SRPK2: variants seen among roughly 807,000 people sequenced by gnomAD.
SRPK2 encodes SRSF protein kinase 2.
SRPK2 carries 21 observed loss-of-function variants against 90.8 expected under a neutral mutation model. The observed-to-expected ratio is 0.23, with a 90% CI of 0.16 to 0.33. The LOEUF is 0.33. SRPK2 is among the 10% of genes least tolerant of loss of function. The probability of loss-of-function intolerance (pLI) is 1.00; values close to 1 mark genes in which losing one functional copy is unlikely to be tolerated. For synonymous variants in SRPK2, 288 were observed against 311.1 expected (o/e 0.93, Z 0.78); for missense variants, 620 against 869.0 (o/e 0.71, Z 3.60).
At chr7:105,259,816 G>A (rs1585407050) in intron 2 of SRPK2, among the ~76,000 whole-genome samples, 1 of 151,986 alleles carries the variant, frequency 6.6e-6, no homozygotes, top group Admixed American at 6.6e-5. Flanking sequence ...ATGGTGCTGG[G>A]AAAACTGGCT....
chr7:105,249,148 G>A (rs915078945), intron 2 of SRPK2, among the ~76,000 whole-genome samples: 1 of 152,032 alleles, frequency 6.6e-6, no homozygotes, highest in African/African-American at 2.4e-5. Flanking sequence ...AGCCTGATGC[G>A]GGCCACCTTG....
chr7:105,203,850 A>G, intron 2 of SRPK2, 65 bp from the exon 3 acceptor site: 1 of 1,531,832 alleles, frequency 6.5e-7, no homozygotes, highest in Non-Finnish European at 8.8e-7. Context: ...GATGCATTTG[A>G]GCACTTCTTA....
chr7:105,167,952 G>T, intron 5 of SRPK2, 56 bp downstream of exon 5: 1 of 1,421,492 alleles, frequency 7.0e-7, no homozygotes, highest in Non-Finnish European at 9.6e-7. Context: ...AAATCTTTCT[G>T]TAAAATTTTA....
intron 2 of SRPK2, among the ~76,000 whole-genome samples, chr7:105,346,484 A>G (rs1816471912): frequency 6.6e-6 from 1 of 152,130 alleles, no homozygotes; most frequent in Non-Finnish European, 1.5e-5. Flanking sequence ...GGCCAGGTGC[A>G]GTGGCTCATG....
chr7:105,177,391 AG>A (rs1792111445), intron 3 of SRPK2, among the ~76,000 whole-genome samples: 1 of 152,238 alleles, frequency 6.6e-6, no homozygotes, highest in South Asian at 2.1e-4. Flanking sequence ...AAGGACACAA[AG>A]GACTGCAAGA....
intron 2 of SRPK2, among the ~76,000 whole-genome samples, chr7:105,283,221 A>T (rs1807578229): frequency 1.3e-5 from 2 of 152,224 alleles, no homozygotes; most frequent in South Asian, 4.1e-4. Context: ...AGCTTTGGAA[A>T]CACGCTGGCA....
intron 2 of SRPK2, among the ~76,000 whole-genome samples, chr7:105,235,785 T>C (rs1294583303): frequency 6.6e-6 from 1 of 152,190 alleles, no homozygotes; most frequent in African/African-American, 2.4e-5. Flanking sequence ...TAACAAAAGA[T>C]TGAAACCATT....
At chr7:105,357,231 G>C (rs1042871170) in intron 2 of SRPK2, among the ~76,000 whole-genome samples, 24 of 151,916 alleles carry the variant, frequency 1.6e-4, no homozygotes, top group African/African-American at 4.6e-4. Context: ...AGTAGAGATG[G>C]GGTTTCACTG....
chr7:105,289,415 T>C (rs931600759), intron 2 of SRPK2, among the ~76,000 whole-genome samples: 2 of 152,134 alleles, frequency 1.3e-5, no homozygotes, highest in Admixed American at 1.3e-4. Context: ...ACCACCTCAA[T>C]AAAGAAAGTC....
chr7:105,181,881 T>TAA (rs755821029), intron 3 of SRPK2, among the ~76,000 whole-genome samples: 1,709 of 84,630 alleles, frequency 0.02, 67 homozygotes, highest in Admixed American at 0.041. Flanking sequence ...AAGATAAAAG[T>TAA]AAAAAAAAAA....
intron 3 of SRPK2, among the ~76,000 whole-genome samples, chr7:105,170,243 T>G (rs1790635373): frequency 6.6e-6 from 1 of 152,158 alleles, no homozygotes; most frequent in Non-Finnish European, 1.5e-5. Flanking sequence ...CTGACCAAAA[T>G]AAACAATGTT....
chr7:105,209,139 G>T (rs1357613293), intron 2 of SRPK2, among the ~76,000 whole-genome samples: 2 of 152,200 alleles, frequency 1.3e-5, no homozygotes, highest in African/African-American at 4.8e-5. Context: ...CATTCAGAGT[G>T]AAAATTAATC....
At chr7:105,315,704 A>AAT (rs1812230402) in intron 2 of SRPK2, among the ~76,000 whole-genome samples, 1 of 152,216 alleles carries the variant, frequency 6.6e-6, no homozygotes, top group South Asian at 2.1e-4. Context: ...CTTATAACAT[A>AAT]ATATCAAGCT....
At chr7:105,173,860 A>G (rs1352407530) in intron 3 of SRPK2, among the ~76,000 whole-genome samples, 1 of 151,688 alleles carries the variant, frequency 6.6e-6, no homozygotes, top group East Asian at 1.9e-4. Context: ...ACACCTGTAC[A>G]CTTCACTATT....
chr7:105,180,080 T>G (rs1792566278), intron 3 of SRPK2, among the ~76,000 whole-genome samples: 1 of 151,976 alleles, frequency 6.6e-6, no homozygotes, highest in African/African-American at 2.4e-5. Context: ...AGAAAGATCT[T>G]AAAGTCCATA....
At chr7:105,244,514 C>A in intron 2 of SRPK2, 1 of 470,234 alleles carries the variant, frequency 2.1e-6, no homozygotes, top group Non-Finnish European at 3.9e-6. Context: ...GCGGAGCTTG[C>A]AGTGAGCTAA....
intron 1 of SRPK2, among the ~76,000 whole-genome samples, chr7:105,396,861 G>A (rs929476753): frequency 6.7e-6 from 1 of 150,332 alleles, no homozygotes; most frequent in Non-Finnish European, 1.5e-5. Context: ...AGGGAGGAAG[G>A]GAGGAAGGAA....
At chr7:105,116,060 CTT>C (rs1799605377), downstream of SRPK2, among the ~76,000 whole-genome samples, 2 of 152,126 alleles carry the variant, frequency 1.3e-5, no homozygotes, top group Admixed American at 1.3e-4. Context: ...GATTATGTGT[CTT>C]GTTTCCTAAC....
chr7:105,223,165 A>G (rs1288600364), intron 2 of SRPK2, among the ~76,000 whole-genome samples: 1 of 152,238 alleles, frequency 6.6e-6, no homozygotes, highest in Admixed American at 6.5e-5. Flanking sequence ...CCATTTGTCC[A>G]GACCGGGCTC....
Sources: gnomAD v4.1 joint callset for allele counts (sites outside exome capture counted in the v4.1 genomes callset) on GRCh38, gnomAD v4.1.1 for gene constraint, MANE v1.5 for transcripts, NCBI Gene and HGNC (gene_info 2026-07-23, HGNC 2026-07-21) for gene names.